CENPW: variants seen among roughly 807,000 people sequenced by gnomAD.
The protein encoded by CENPW is cancer-up-regulated gene 2 protein.
A neutral mutation model predicts 11.1 loss-of-function variants in CENPW; 3 were observed. That is an observed-to-expected ratio of 0.27 (90% confidence interval 0.12 to 0.70). The LOEUF is 0.70. Ranked by LOEUF, CENPW falls within the 30% of genes least tolerant of loss-of-function variation. CENPW has a pLI of 0.77. For missense variants in CENPW, 100 were observed against 105.6 expected (o/e 0.95, Z 0.23); for synonymous variants, 38 against 42.0 (o/e 0.91, Z 0.37).
the CENPW span, among the ~76,000 whole-genome samples, chr6:126,462,417 GT>G: frequency 4.8e-5 from 7 of 146,376 alleles, no homozygotes; most frequent in African/African-American, 5.0e-5. Flanking sequence ...ACATTTTTCA[GT>G]TTTTTTTTTA....
the CENPW span, among the ~76,000 whole-genome samples, chr6:126,399,302 TG>T: frequency 4.6e-5 from 7 of 152,000 alleles, no homozygotes; most frequent in Non-Finnish European, 7.4e-5. Context: ...AATTCATGGA[TG>T]GGGACCAGGG....
chr6:126,393,663 T>C, the CENPW span, among the ~76,000 whole-genome samples: 11 of 151,144 alleles, frequency 7.3e-5, no homozygotes, highest in Non-Finnish European at 1.3e-4. Context: ...TTTCCGTTTT[T>C]TGGAAATTTT....
At chr6:126,436,746 C>A in the CENPW span, among the ~76,000 whole-genome samples, 24 of 151,434 alleles carry the variant, frequency 1.6e-4, no homozygotes, top group Non-Finnish European at 2.8e-4. Flanking sequence ...GTGTCATTAG[C>A]CTAAATAAAT....
chr6:126,462,063 A>G, the CENPW span, among the ~76,000 whole-genome samples: 3 of 151,994 alleles, frequency 2.0e-5, no homozygotes, highest in Non-Finnish European at 2.9e-5. Flanking sequence ...GAGAGTTGGG[A>G]TATTGAAAAC....
At chr6:126,428,326 A>G in the CENPW span, among the ~76,000 whole-genome samples, 1 of 152,134 alleles carries the variant, frequency 6.6e-6, no homozygotes, top group African/African-American at 2.4e-5. Flanking sequence ...AAATACATTG[A>G]CTATTATTGT....
the CENPW span, among the ~76,000 whole-genome samples, chr6:126,354,101 T>C: frequency 6.6e-6 from 1 of 152,082 alleles, no homozygotes; most frequent in Non-Finnish European, 1.5e-5. Context: ...TAGTACTGTC[T>C]TTTGGCATTA....
At chr6:126,408,009 C>T in the CENPW span, among the ~76,000 whole-genome samples, 3 of 151,948 alleles carry the variant, frequency 2.0e-5, no homozygotes, top group South Asian at 6.2e-4. Flanking sequence ...TTTGCCTGTG[C>T]CTGTGTCCTG....
chr6:126,461,086 G>A, the CENPW span, among the ~76,000 whole-genome samples: 2 of 151,944 alleles, frequency 1.3e-5, no homozygotes, highest in African/African-American at 2.4e-5. Flanking sequence ...GACCTGACAC[G>A]GTTTGGCTCT....
the CENPW span, among the ~76,000 whole-genome samples, chr6:126,387,064 CAATA>C: frequency 6.6e-6 from 1 of 151,846 alleles, no homozygotes; most frequent in African/African-American, 2.4e-5. Context: ...ACTAGTGAAA[CAATA>C]AATCTAGAGT....
At chr6:126,389,273 C>G in the CENPW span, among the ~76,000 whole-genome samples, 1 of 151,906 alleles carries the variant, frequency 6.6e-6, no homozygotes, top group Non-Finnish European at 1.5e-5. Flanking sequence ...CAATTGCTAT[C>G]TACAGTTGCA....
the CENPW span, among the ~76,000 whole-genome samples, chr6:126,456,503 G>T: frequency 1.3e-5 from 2 of 151,612 alleles, no homozygotes; most frequent in African/African-American, 2.4e-5. Context: ...CTAGCCATAT[G>T]CAGAAGATTG....
the CENPW span, among the ~76,000 whole-genome samples, chr6:126,460,484 A>C: frequency 1.3e-4 from 19 of 151,722 alleles, no homozygotes; most frequent in African/African-American, 4.6e-4. Context: ...TTTAGCCTCA[A>C]ATGTCAACGC....
At chr6:126,464,602 G>C in the CENPW span, among the ~76,000 whole-genome samples, 2 of 152,142 alleles carry the variant, frequency 1.3e-5, no homozygotes, top group Non-Finnish European at 2.9e-5. Context: ...TCGAACATCA[G>C]ACTCCAAGTT....
At chr6:126,475,343 T>C in the CENPW span, among the ~76,000 whole-genome samples, 9 of 152,038 alleles carry the variant, frequency 5.9e-5, no homozygotes, top group African/African-American at 1.4e-4. Flanking sequence ...CCATTCTTCA[T>C]GATTTCACAT....
chr6:126,470,377 G>A, the CENPW span, among the ~76,000 whole-genome samples: 1 of 152,246 alleles, frequency 6.6e-6, no homozygotes. Flanking sequence ...GTGTGCAGAA[G>A]ACAAGAGTTG....
chr6:126,348,968 T>A (rs567204514), downstream of CENPW: 2 of 152,200 alleles, frequency 1.3e-5, no homozygotes, highest in East Asian at 3.9e-4. Flanking sequence ...ATGCCAGTAG[T>A]AATGTTATAA....
chr6:126,357,152 G>A, the CENPW span, among the ~76,000 whole-genome samples: 1 of 150,932 alleles, frequency 6.6e-6, no homozygotes, highest in Admixed American at 6.7e-5. Flanking sequence ...TTCTGCATAT[G>A]GCTAGCCAGT....
chr6:126,371,642 G>A, the CENPW span, among the ~76,000 whole-genome samples: 2 of 152,100 alleles, frequency 1.3e-5, no homozygotes, highest in African/African-American at 2.4e-5. Context: ...GTAGCATAAT[G>A]TCAATAGAAT....
chr6:126,362,304 T>A, the CENPW span, among the ~76,000 whole-genome samples: 5 of 152,286 alleles, frequency 3.3e-5, no homozygotes, highest in African/African-American at 1.2e-4. Flanking sequence ...CCCTGTCTGC[T>A]TACTCCCTGG....
Sources: gnomAD v4.1 joint callset for allele counts (sites outside exome capture counted in the v4.1 genomes callset) on GRCh38, gnomAD v4.1.1 for gene constraint, MANE v1.5 for transcripts, NCBI Gene and HGNC (gene_info 2026-07-23, HGNC 2026-07-21) for gene names.